Variants in GALNTL6 observed in about 807,000 individuals in gnomAD.
GALNTL6 encodes the protein polypeptide N-acetylgalactosaminyltransferase-like 6.
Under a neutral mutation model 73.7 loss-of-function variants are expected in GALNTL6, and 46 were observed. That is an observed-to-expected ratio of 0.62 (90% CI 0.49 to 0.80). The LOEUF (loss-of-function observed/expected upper bound fraction) is 0.80, where lower values mean the gene tolerates loss of function less well. Among genes scored for constraint, GALNTL6 ranks in the 30% least tolerant of loss-of-function variants. GALNTL6 has a pLI of 0.00. For missense variants in GALNTL6, 604 were observed against 755.0 expected (o/e 0.80, Z 2.34); for synonymous variants, 259 against 263.7 (o/e 0.98, Z 0.17).
At chr4:172,411,823 C>T (rs981130471) in intron 5 of GALNTL6, among the ~76,000 whole-genome samples, 2 of 152,008 alleles carry the variant, frequency 1.3e-5, no homozygotes, top group African/African-American at 4.8e-5. Flanking sequence ...TACTATGTGC[C>T]AGTTGCTTTA....
intron 2 of GALNTL6, among the ~76,000 whole-genome samples, chr4:172,176,749 G>A (rs980748161): frequency 5.3e-5 from 8 of 152,156 alleles, no homozygotes; most frequent in Middle Eastern, 3.4e-3. Context: ...GGATTGTACC[G>A]TGGCGCTCTG....
At chr4:172,043,921 T>C (rs988974873) in intron 2 of GALNTL6, among the ~76,000 whole-genome samples, 1 of 152,084 alleles carries the variant, frequency 6.6e-6, no homozygotes, top group African/African-American at 2.4e-5. Context: ...GAAATATAAC[T>C]ATTCTCTGTA....
At chr4:172,181,043 C>T (rs557765064) in intron 2 of GALNTL6, among the ~76,000 whole-genome samples, 1 of 152,194 alleles carries the variant, frequency 6.6e-6, no homozygotes, top group African/African-American at 2.4e-5. Context: ...CTATAAATTA[C>T]TTTGGGCAGT....
intron 4 of GALNTL6, among the ~76,000 whole-genome samples, chr4:172,346,349 AAT>A (rs968213558): frequency 3.6e-4 from 55 of 152,346 alleles, no homozygotes; most frequent in African/African-American, 1.2e-3. Context: ...TGAAACCTTC[AAT>A]ATGTCCCTCA....
chr4:172,057,239 A>G (rs999508600), intron 2 of GALNTL6, among the ~76,000 whole-genome samples: 4 of 152,006 alleles, frequency 2.6e-5, no homozygotes, highest in African/African-American at 4.8e-5. Context: ...GAAACCCTGT[A>G]TCTACCCAAA....
intron 2 of GALNTL6, among the ~76,000 whole-genome samples, chr4:172,026,442 T>C (rs1213691075): frequency 6.6e-6 from 1 of 152,152 alleles, no homozygotes; most frequent in Non-Finnish European, 1.5e-5. Context: ...AAATTATCTG[T>C]ATCTGCACTA....
chr4:172,863,538 AG>A (rs1450461332), intron 7 of GALNTL6, among the ~76,000 whole-genome samples: 1 of 152,210 alleles, frequency 6.6e-6, no homozygotes, highest in African/African-American at 2.4e-5. Flanking sequence ...TGGAATCTGT[AG>A]CCCCTTTGTT....
chr4:172,258,434 C>G (rs10520229), intron 3 of GALNTL6, among the ~76,000 whole-genome samples: 19,074 of 151,104 alleles, frequency 0.13, 1,304 homozygotes, highest in East Asian at 0.29. Context: ...CAATGTTTTT[C>G]ATTAGTTGAT....
chr4:172,021,157 C>G (rs1579065728), intron 2 of GALNTL6, among the ~76,000 whole-genome samples: 1 of 151,844 alleles, frequency 6.6e-6, no homozygotes, highest in African/African-American at 2.4e-5. Context: ...CCATATATGA[C>G]AGAACTGCAG....
At chr4:172,839,216 G>A (rs968119324) in intron 7 of GALNTL6, among the ~76,000 whole-genome samples, 4 of 152,180 alleles carry the variant, frequency 2.6e-5, no homozygotes. Context: ...TATGAATGTA[G>A]CAGTTACCGA....
rs536964580 is a variant in GALNTL6 at position 171,941,645 on chromosome 4, G to C, written c.138+126927G>C. Among the ~76,000 whole-genome samples, 10 of 152,108 alleles carry C rather than the reference G, an allele frequency of 6.6e-5. No homozygotes were observed. The East Asian group carries it at 1.4e-3, about 21-fold the overall frequency. On this transcript the variant is annotated intron_variant, in intron 2 of 12. Coordinates refer to ENST00000506823, the MANE Select transcript of GALNTL6 (RefSeq NM_001034845.3). ...TTTAGATGGCCAGGGTTCTTCTGCT[G>C]TAGCTTGGCAGGTTTTCCTACCTTT... is the stretch of plus-strand genomic sequence containing the variant.
chr4:172,333,309 G>A (rs1453354196), intron 4 of GALNTL6, among the ~76,000 whole-genome samples: 1 of 152,162 alleles, frequency 6.6e-6, no homozygotes, highest in African/African-American at 2.4e-5. Flanking sequence ...GGAGGCTGAG[G>A]CAGAGGAATC....
At chr4:172,970,008 G>T (rs1477054497) in intron 10 of GALNTL6, among the ~76,000 whole-genome samples, 1 of 152,152 alleles carries the variant, frequency 6.6e-6, no homozygotes, top group Non-Finnish European at 1.5e-5. Context: ...GTAGGTCTGT[G>T]ATGTCCCCCA....
chr4:172,381,875 G>A (rs1743296826), intron 5 of GALNTL6, among the ~76,000 whole-genome samples: 1 of 152,176 alleles, frequency 6.6e-6, no homozygotes, highest in African/African-American at 2.4e-5. Flanking sequence ...GTAATATTTT[G>A]AGGACCTGCC....
intron 5 of GALNTL6, among the ~76,000 whole-genome samples, chr4:172,753,677 A>C (rs1737564547): frequency 6.6e-6 from 1 of 152,242 alleles, no homozygotes; most frequent in South Asian, 2.1e-4. Context: ...TTATTCTTTA[A>C]AATTGGATCT....
chr4:173,001,787 G>A (rs1419192010), intron 10 of GALNTL6, among the ~76,000 whole-genome samples: 1 of 152,158 alleles, frequency 6.6e-6, no homozygotes, highest in Non-Finnish European at 1.5e-5. Context: ...TTAGTCATTA[G>A]GGAAAAGCAA....
At chr4:172,622,701 A>T (rs1480736906) in intron 5 of GALNTL6, among the ~76,000 whole-genome samples, 1 of 152,154 alleles carries the variant, frequency 6.6e-6, no homozygotes, top group Non-Finnish European at 1.5e-5. Context: ...CTGAGAAAAC[A>T]GTCCAAAGGA....
At chr4:171,959,163 A>T (rs1360560885) in intron 2 of GALNTL6, among the ~76,000 whole-genome samples, 1 of 152,194 alleles carries the variant, frequency 6.6e-6, no homozygotes, top group Non-Finnish European at 1.5e-5. Flanking sequence ...TAGAAAGACT[A>T]TCACATTGTA....
intron 10 of GALNTL6, among the ~76,000 whole-genome samples, chr4:172,970,425 T>C (rs182045103): frequency 1.6e-4 from 24 of 152,262 alleles, no homozygotes. Flanking sequence ...AGAGTGGCCA[T>C]TTATAGACCT....
Sources: allele counts gnomAD v4.1 joint callset (sites outside exome capture counted in the v4.1 genomes callset), GRCh38; gene constraint gnomAD v4.1.1; transcripts MANE v1.5; gene names NCBI Gene and HGNC (gene_info 2026-07-23, HGNC 2026-07-21).